EIF5: variants seen among roughly 807,000 people sequenced by gnomAD.
The protein encoded by EIF5 is eukaryotic translation initiation factor 5.
A neutral mutation model predicts 48.3 loss-of-function variants in EIF5; 10 were observed. The observed-to-expected ratio is 0.21, with a 90% CI of 0.13 to 0.35. The LOEUF (loss-of-function observed/expected upper bound fraction) is 0.35. EIF5 is among the 10% of genes least tolerant of loss of function. The probability of loss-of-function intolerance (pLI) is 1.00; values close to 1 mark genes in which losing one functional copy is unlikely to be tolerated. For synonymous variants in EIF5, 237 were observed against 173.1 expected, an observed-to-expected ratio of 1.37 and a Z score of -2.90; for missense variants, 397 against 533.2, an observed-to-expected ratio of 0.74 and a Z score of 2.51.
chr14:103,337,678 AT>A, intron 6 of EIF5: 1 of 361,170 alleles, frequency 2.8e-6, no homozygotes, highest in Non-Finnish European at 5.4e-6. Context: ...TGTATTGTTA[AT>A]TACCATTAAA....
chr14:103,334,815 T>TCAGG (rs2089263872), intron 2 of EIF5: 1 of 151,128 alleles, frequency 6.6e-6, no homozygotes, highest in Non-Finnish European at 1.5e-5. Flanking sequence ...TCGGGCTGAC[T>TCAGG]CAGGCTTCAG....
At position 103,336,134 on chromosome 14, in the gene EIF5, A is replaced by G. The variant is rs1169150101; in HGVS notation, c.154+17A>G. The stretch of plus-strand genomic sequence containing the variant: ...CTCCAACGTGTAAGTAAAGCTTGGA[A>G]AAGTCCACAGGGCATATTATGGATA... On this transcript the variant is annotated intron_variant, in intron 4 of 11. Coordinates refer to ENST00000216554, the MANE Select transcript of EIF5 (RefSeq NM_001969.5). The G allele has an allele frequency of 5.0e-6, 8 of 1,613,024 alleles. 1 individual carries two copies. The South Asian group carries it at 7.7e-5, about 16-fold the overall frequency.
rs148433136 is a variant in EIF5, at chr14:103,340,042, A to G, written c.1071+239A>G. On this transcript the variant is annotated intron_variant, in intron 10 of 11. Coordinates refer to ENST00000216554, the MANE Select transcript of EIF5 (RefSeq NM_001969.5). ...CCCAGCTAATTTTTGTATTTTTAGT[A>G]GATGGGGTTTTACCATGTTGGCCAG... 3.9e-3 allele frequency among the ~76,000 whole-genome samples: 597 copies of G among 152,226 alleles called. 5 individuals carry two copies. The highest frequency in any genetic ancestry group is 0.014 in the African/African-American group (573 of 41,550).
chr14:103,338,278 G>GGT (rs770672816), intron 6 of EIF5, 49 bp from the exon 7 acceptor site: 1 of 1,594,362 alleles, frequency 6.3e-7, no homozygotes, highest in Admixed American at 1.8e-5. Flanking sequence ...TGGGCAATGA[G>GGT]GTAATGTAAG....
In EIF5 at chr14:103,335,965, T is replaced by C. The variant is rs769139479; in HGVS notation, c.72+33T>C. The C allele has an allele frequency of 1.9e-6, 3 of 1,613,834 alleles. No homozygotes were observed. In the African/African-American group the frequency reaches 4.0e-5, roughly 22 times the overall value. Reference sequence around the variant, plus strand: ...ACTGCTCTTCAATTTAGTTGATAGCTCTTTTTGTAGAATTTTGAAGTTTGC... The same window carrying C: ...ACTGCTCTTCAATTTAGTTGATAGCCCTTTTTGTAGAATTTTGAAGTTTGC... On this transcript the variant is annotated intron_variant, in intron 3 of 11. Coordinates refer to ENST00000216554, the MANE Select transcript of EIF5 (RefSeq NM_001969.5).
intron 6 of EIF5, chr14:103,337,530 A>T: frequency 2.8e-6 from 1 of 358,052 alleles, no homozygotes; most frequent in Non-Finnish European, 5.1e-6. Context: ...TGAACCTTGG[A>T]GGCAGAGGTT....
chr14:103,336,890 C>T (rs368175856), intron 5 of EIF5, 41 bp downstream of exon 5: 217 of 1,579,908 alleles, frequency 1.4e-4, no homozygotes, highest in Non-Finnish European at 1.7e-4. Flanking sequence ...AGCCATATAC[C>T]TGCTTCTGTG....
rs2089259442 is a variant in EIF5, at chr14:103,334,601, A to G, written c.-209+4A>G. 1 of 151,524 alleles carries G rather than the reference A, an allele frequency of 6.6e-6. No individual in the cohort carries two copies. Among genetic ancestry groups the G allele is most frequent in the Non-Finnish European group, 1.5e-5 (1 of 67,688 alleles). 9.4% of individuals were successfully genotyped at this position (151,524 alleles called of 1,614,324 possible). A position where few individuals can be genotyped will look rare whatever the true frequency, so the allele number is the denominator to read the frequency against. On this transcript the variant is annotated splice_donor_region_variant and intron_variant, in intron 2 of 11. Coordinates refer to ENST00000216554, the MANE Select transcript of EIF5 (RefSeq NM_001969.5). ...ATGTCTTTATTTGACGAAAACGGTG[A>G]GTCGCGGGCGCGGCGGGCCAGGAGA... is the stretch of plus-strand genomic sequence containing the variant.
intron 10 of EIF5, 117 bp from the exon 11 acceptor site, chr14:103,340,310 G>A: frequency 2.7e-6 from 3 of 1,106,062 alleles, no homozygotes; most frequent in Non-Finnish European, 3.9e-6. Flanking sequence ...CATTGATTCT[G>A]TTTGAGGATT....
rs367578710 is a variant in EIF5, at chr14:103,335,941, C to T, written c.72+9C>T. 24 of 1,614,074 alleles carry T rather than the reference C, an allele frequency of 1.5e-5. No individual in the cohort carries two copies. The African/African-American group carries it at 1.6e-4, about 11-fold the overall frequency. On this transcript the variant is annotated intron_variant, in intron 3 of 11. Transcript: ENST00000216554. ...CCCGTCTGATTGCCAAGGTAATAAA[C>T]TGCTCTTCAATTTAGTTGATAGCTC...
Position 103,335,824 on chromosome 14 carries a change from C to T in EIF5, c.-37C>T, listed in dbSNP as rs1407853483. The T allele has an allele frequency of 1.3e-6, 2 of 1,592,874 alleles. No individual in the cohort carries two copies. The highest frequency in any genetic ancestry group is 8.6e-7 in the Non-Finnish European group (1 of 1,165,346). On this transcript the variant is annotated 5_prime_UTR_variant, in exon 3 of 12. Coordinates refer to ENST00000216554, the MANE Select transcript of EIF5 (RefSeq NM_001969.5). ...ATACCAAAAAGTTGCAATCAAAGAT[C>T]TCTTCATCTTATTGATAAAGCCACT...
chr14:103,343,504 A>C lies in EIF5; in HGVS notation c.*2452A>C, dbSNP rs7143775. On this transcript the variant is annotated 3_prime_UTR_variant, in exon 12 of 12. Transcript: ENST00000216554. ...AGGGAATGGGGAGGTTTGCTTTCTAAACAAGTGCATTCTGAAATTGACTTA... is the reference window on the plus strand; with the variant it reads ...AGGGAATGGGGAGGTTTGCTTTCTACACAAGTGCATTCTGAAATTGACTTA... 24,400 of 152,186 alleles carry C rather than the reference A, an allele frequency of 0.16. 2,242 individuals carry two copies. The highest frequency in any genetic ancestry group is 0.31 in the East Asian group (1,590 of 5,184). 9.4% of individuals were successfully genotyped at this position (152,186 alleles called of 1,614,324 possible). A position where few individuals can be genotyped will look rare whatever the true frequency, so the allele number is the denominator to read the frequency against.
intron 8 of EIF5, 72 bp downstream of exon 8, chr14:103,338,965 T>G: frequency 1.3e-6 from 2 of 1,555,112 alleles, no homozygotes; most frequent in Middle Eastern, 1.7e-4. Context: ...TATGATACTT[T>G]AGCAGTGTAA....
intron 4 of EIF5, 165 bp from the exon 5 acceptor site, chr14:103,336,512 C>T (rs573829224): frequency 6.2e-5 from 43 of 691,520 alleles, no homozygotes; most frequent in African/African-American, 5.8e-4. Context: ...ACCCCGGAAA[C>T]GGAGGTTGCA....
rs1266695550 is a variant in EIF5, at chr14:103,344,992, AG to A, written c.*3941del. On this transcript the variant is annotated 3_prime_UTR_variant, in exon 12 of 12. Coordinates refer to ENST00000216554, the MANE Select transcript of EIF5 (RefSeq NM_001969.5). ...AGCTCTTTGAATCTCAGAAAAAAGT[AG>A]ATTTTAATAAAGTGTGAAAGTTGTC... The A allele has an allele frequency of 2.6e-5, 4 of 152,202 alleles. No homozygotes were observed. Among genetic ancestry groups the A allele is most frequent in the African/African-American group, 9.7e-5 (4 of 41,432 alleles). The allele number at this position is 152,202 out of a possible 1,614,324, so 9.4% of individuals were successfully genotyped here. A position where few individuals can be genotyped will look rare whatever the true frequency, so the allele number is the denominator to read the frequency against.
chr14:103,340,337 C>T, intron 10 of EIF5, 90 bp from the exon 11 acceptor site: 1 of 1,416,510 alleles, frequency 7.1e-7, no homozygotes, highest in South Asian at 1.4e-5. Context: ...TGTTAGGACC[C>T]AGTCCCCTCA....
rs771587020 is a variant in EIF5 at position 103,336,029 on chromosome 14, C to A, written c.73-7C>A. The stretch of plus-strand genomic sequence containing the variant: ...AACTGCACAACTAAAATTCTTATTT[C>A]CTTTAGGTTGAGGGCAAAGGCAATG... On this transcript the variant is annotated splice_region_variant and splice_polypyrimidine_tract_variant and intron_variant, in intron 3 of 11. Coordinates refer to ENST00000216554, the MANE Select transcript of EIF5 (RefSeq NM_001969.5). 19 of 1,613,922 alleles carry A rather than the reference C, an allele frequency of 1.2e-5. No homozygotes were observed. Among genetic ancestry groups the A allele is most frequent in the Non-Finnish European group, 1.5e-5 (18 of 1,180,002 alleles).
Position 103,334,258 on chromosome 14 carries a change from G to C in EIF5, c.-420G>C, listed in dbSNP as rs886743265. On this transcript the variant is annotated splice_region_variant and 5_prime_UTR_variant, in exon 1 of 12. Transcript: ENST00000216554. ...GTTCAGTCAGAGCGAGAACATTCCA[G>C]AGGTGAGTCCGGTGAAGGGGCGGCC... 3 of 152,658 alleles carry C rather than the reference G, an allele frequency of 2.0e-5. 1 individual carries two copies. In the South Asian group the frequency reaches 6.2e-4, roughly 32 times the overall value. 9.5% of individuals were successfully genotyped at this position (152,658 alleles called of 1,614,324 possible). A position where few individuals can be genotyped will look rare whatever the true frequency, so the allele number is the denominator to read the frequency against.
intron 8 of EIF5, 72 bp downstream of exon 8, chr14:103,338,965 T>TA: frequency 6.4e-7 from 1 of 1,555,112 alleles, no homozygotes. Context: ...TATGATACTT[T>TA]AGCAGTGTAA....
Sources: gnomAD v4.1 joint callset for allele counts (sites outside exome capture counted in the v4.1 genomes callset) on GRCh38, gnomAD v4.1.1 for gene constraint, MANE v1.5 for transcripts, NCBI Gene and HGNC (gene_info 2026-07-23, HGNC 2026-07-21) for gene names.